CAMK1D: variants seen among roughly 807,000 people sequenced by gnomAD.
CAMK1D encodes calcium/calmodulin-dependent protein kinase type 1D.
A neutral mutation model predicts 47.7 loss-of-function variants in CAMK1D; 9 were observed. That is an observed-to-expected ratio of 0.19 (90% CI 0.11 to 0.33). The LOEUF (loss-of-function observed/expected upper bound fraction) is 0.33, where lower values mean the gene tolerates loss of function less well. Ranked by LOEUF, CAMK1D falls within the 10% of genes least tolerant of loss-of-function variation. CAMK1D has a pLI of 1.00. For missense variants in CAMK1D, 291 were observed against 488.7 expected, an observed-to-expected ratio of 0.60 and a Z score of 3.81; for synonymous variants, 184 against 184.9, an observed-to-expected ratio of 0.99 and a Z score of 0.04.
chr10:12,819,015 A>G (rs1832914515), intron 8 of CAMK1D, among the ~76,000 whole-genome samples: 1 of 152,242 alleles, frequency 6.6e-6, no homozygotes, highest in African/African-American at 2.4e-5. Context: ...AAGAATAAAA[A>G]TGACCTCAAT....
chr10:12,418,626 A>T (rs1271988324), intron 1 of CAMK1D, among the ~76,000 whole-genome samples: 1 of 152,142 alleles, frequency 6.6e-6, no homozygotes, highest in Non-Finnish European at 1.5e-5. Context: ...AAAGTTATGT[A>T]TTGCACTCCA....
At chr10:12,577,449 A>G (rs1447794795) in intron 2 of CAMK1D, among the ~76,000 whole-genome samples, 1 of 152,266 alleles carries the variant, frequency 6.6e-6, no homozygotes. Flanking sequence ...TGCAGAGCAC[A>G]TTGCTTTTCT....
At chr10:12,457,096 A>C (rs1433538994) in intron 1 of CAMK1D, among the ~76,000 whole-genome samples, 1 of 152,170 alleles carries the variant, frequency 6.6e-6, no homozygotes, top group African/African-American at 2.4e-5. Flanking sequence ...GAATGATAAA[A>C]ATCTGTGTTT....
chr10:12,686,332 T>TA (rs1377084517), intron 3 of CAMK1D, among the ~76,000 whole-genome samples: 1 of 152,272 alleles, frequency 6.6e-6, no homozygotes, highest in East Asian at 1.9e-4. Context: ...TTTATTTATT[T>TA]TTTTTGGAGA....
intron 1 of CAMK1D, among the ~76,000 whole-genome samples, chr10:12,426,926 G>C (rs528566412): frequency 2.6e-5 from 4 of 152,232 alleles, no homozygotes; most frequent in Non-Finnish European, 5.9e-5. Context: ...TGTTGGCCAG[G>C]TTGGTCTTGA....
At chr10:12,694,753 A>C (rs1427153969) in intron 3 of CAMK1D, among the ~76,000 whole-genome samples, 4 of 151,514 alleles carry the variant, frequency 2.6e-5, no homozygotes, top group Non-Finnish European at 5.9e-5. Context: ...TTATGAAAGC[A>C]TCCAGTCAGG....
At chr10:12,703,201 T>C (rs1833590680) in intron 3 of CAMK1D, among the ~76,000 whole-genome samples, 1 of 152,248 alleles carries the variant, frequency 6.6e-6, no homozygotes, top group Non-Finnish European at 1.5e-5. Flanking sequence ...TTGTCACATA[T>C]TTGTATAATG....
At chr10:12,609,778 G>A (rs2132408563) in intron 2 of CAMK1D, among the ~76,000 whole-genome samples, 1 of 152,266 alleles carries the variant, frequency 6.6e-6, no homozygotes, top group South Asian at 2.1e-4. Flanking sequence ...CCAGTGCATG[G>A]CCTGCAGGCT....
chr10:12,800,368 T>C (rs1326386880), intron 6 of CAMK1D, among the ~76,000 whole-genome samples: 2 of 152,238 alleles, frequency 1.3e-5, no homozygotes, highest in Non-Finnish European at 2.9e-5. Flanking sequence ...TCTTAAAGTC[T>C]GTCATATTAT....
intron 3 of CAMK1D, among the ~76,000 whole-genome samples, chr10:12,735,305 G>A (rs914852662): frequency 1.3e-5 from 2 of 152,072 alleles, no homozygotes; most frequent in African/African-American, 2.4e-5. Flanking sequence ...GTGAAACCCC[G>A]TCTCTACTAA....
At chr10:12,415,478 T>G (rs1442307835) in intron 1 of CAMK1D, among the ~76,000 whole-genome samples, 1 of 148,006 alleles carries the variant, frequency 6.8e-6, no homozygotes, top group African/African-American at 2.5e-5. Flanking sequence ...TTTTTTTTTT[T>G]TAGTAGAGAT....
chr10:12,598,529 T>C lies in CAMK1D; in HGVS notation c.224+45173T>C, dbSNP rs982320492. On this transcript the variant is annotated intron_variant, in intron 2 of 10. Coordinates refer to ENST00000619168, the MANE Select transcript of CAMK1D (RefSeq NM_153498.4). ...CATTTTCAAAGGAAAATGAAATCTG[T>C]TTCGGGTCACACCACTTCCTGCAGA... Among the ~76,000 whole-genome samples, 6 of 152,304 alleles carry C rather than the reference T, an allele frequency of 3.9e-5. No individual in the cohort carries two copies. The East Asian group carries it at 1.2e-3, about 29-fold the overall frequency.
At chr10:12,742,031 C>A (rs1835457088) in intron 3 of CAMK1D, among the ~76,000 whole-genome samples, 1 of 152,218 alleles carries the variant, frequency 6.6e-6, no homozygotes, top group Non-Finnish European at 1.5e-5. Context: ...CCACACCCAG[C>A]AGCATCCCCT....
intron 1 of CAMK1D, among the ~76,000 whole-genome samples, chr10:12,413,207 G>A (rs1839724450): frequency 6.6e-6 from 1 of 152,134 alleles, no homozygotes; most frequent in Admixed American, 6.5e-5. Context: ...TGGTGGAGGG[G>A]AAAGGGGGAG....
At chr10:12,706,547 A>T (rs1264430218) in intron 3 of CAMK1D, among the ~76,000 whole-genome samples, 1 of 152,154 alleles carries the variant, frequency 6.6e-6, no homozygotes, top group Non-Finnish European at 1.5e-5. Context: ...CCTCATCTCT[A>T]TAAAAAATTT....
chr10:12,605,452 G>C (rs76380918), intron 2 of CAMK1D, among the ~76,000 whole-genome samples: 4,499 of 151,884 alleles, frequency 0.03, 73 homozygotes, highest in Non-Finnish European at 0.046. Flanking sequence ...ATTTGCATCC[G>C]TGCCATCTTC....
At chr10:12,695,552 A>G (rs530069909) in intron 3 of CAMK1D, among the ~76,000 whole-genome samples, 5 of 152,276 alleles carry the variant, frequency 3.3e-5, no homozygotes, top group African/African-American at 4.8e-5. Flanking sequence ...TAAGCATTTT[A>G]AGTAAAAGTT....
chr10:12,763,887 G>A (rs562810900), intron 4 of CAMK1D, among the ~76,000 whole-genome samples: 5 of 152,232 alleles, frequency 3.3e-5, no homozygotes, highest in Non-Finnish European at 5.9e-5. Flanking sequence ...AGTGAGTCCC[G>A]GACCTCTTTG....
intron 3 of CAMK1D, among the ~76,000 whole-genome samples, chr10:12,683,194 C>T (rs565609583): frequency 4.6e-5 from 7 of 151,244 alleles, no homozygotes; most frequent in African/African-American, 1.7e-4. Context: ...TGAAGTGTTT[C>T]TCTTGCCTCA....
Sources: gnomAD v4.1 joint callset for allele counts (sites outside exome capture counted in the v4.1 genomes callset) on GRCh38, gnomAD v4.1.1 for gene constraint, MANE v1.5 for transcripts, NCBI Gene and HGNC (gene_info 2026-07-23, HGNC 2026-07-21) for gene names.